The following RASA3 variants were observed in gnomAD, a reference collection of about 807,000 sequenced individuals.
The protein encoded by RASA3 is ras GTPase-activating protein 3.
A neutral mutation model predicts 110.0 loss-of-function variants in RASA3; 73 were observed. The ratio of observed to expected loss-of-function variants is 0.66; its 90% CI spans 0.55 to 0.81. RASA3 has a LOEUF of 0.81. Ranked by LOEUF, RASA3 falls within the 30% of genes least tolerant of loss-of-function variation. The probability of loss-of-function intolerance (pLI) is 0.00; values close to 1 mark genes in which losing one functional copy is unlikely to be tolerated. For missense variants in RASA3, 976 were observed against 1,113.2 expected (o/e 0.88, Z 1.75); for synonymous variants, 500 against 451.4 (o/e 1.11, Z -1.37).
chr13:114,055,102 G>A (rs913210575), intron 2 of RASA3, among the ~76,000 whole-genome samples: 32 of 152,000 alleles, frequency 2.1e-4, no homozygotes, highest in African/African-American at 6.5e-4. Flanking sequence ...GTGTGTGCCC[G>A]TATGTGTGTC....
At chr13:114,047,004 G>T (rs2079064219) in intron 3 of RASA3, among the ~76,000 whole-genome samples, 1 of 152,160 alleles carries the variant, frequency 6.6e-6, no homozygotes, top group African/African-American at 2.4e-5. Flanking sequence ...CACAACCGTG[G>T]AATAGGCAAG....
chr13:114,024,801 T>C (rs941019068), intron 7 of RASA3, among the ~76,000 whole-genome samples: 2 of 152,236 alleles, frequency 1.3e-5, no homozygotes, highest in Non-Finnish European at 2.9e-5. Flanking sequence ...GTGAGGTCTG[T>C]GGAGCCTGAA....
intron 13 of RASA3, among the ~76,000 whole-genome samples, chr13:114,015,748 A>G (rs1035045805): frequency 6.6e-6 from 1 of 152,194 alleles, no homozygotes; most frequent in Non-Finnish European, 1.5e-5. Context: ...AACGCAGTAC[A>G]CAGCTCTGGG....
rs373700840 is a variant in RASA3, at chr13:114,017,218, C to G, written c.1206+19G>C. 7 of 1,599,098 alleles carry G rather than the reference C, an allele frequency of 4.4e-6. 1 individual carries two copies. In the South Asian group the frequency reaches 6.6e-5, roughly 15 times the overall value. On this transcript the variant is annotated intron_variant, in intron 12 of 23. Transcript: ENST00000334062. ...TCCCCACGCCTCGTGAGGCTGAGGA[C>G]TCTCGGCCCCGTGCTCACCTCCTCG... is the stretch of plus-strand genomic sequence containing the variant.
intron 18 of RASA3, among the ~76,000 whole-genome samples, chr13:114,003,112 C>T (rs1477248677): frequency 2.0e-5 from 3 of 152,222 alleles, no homozygotes; most frequent in African/African-American, 7.2e-5. Flanking sequence ...GGCCCTAGGA[C>T]GGCCCATGCT....
intron 1 of RASA3, among the ~76,000 whole-genome samples, chr13:114,105,632 C>T (rs1051242155): frequency 1.3e-5 from 2 of 152,222 alleles, no homozygotes; most frequent in African/African-American, 2.4e-5. Flanking sequence ...CCCTCCGCCT[C>T]GCTTCACCCA....
At chr13:114,041,995 C>T (rs989025340) in intron 3 of RASA3, among the ~76,000 whole-genome samples, 6 of 152,234 alleles carry the variant, frequency 3.9e-5, no homozygotes, top group African/African-American at 1.2e-4. Flanking sequence ...GTTTCCCGTG[C>T]CTTAAACAGG....
chr13:114,121,080 G>A (rs2080369223), intron 1 of RASA3, among the ~76,000 whole-genome samples: 1 of 152,332 alleles, frequency 6.6e-6, no homozygotes, highest in East Asian at 1.9e-4. Context: ...AAAAGAACAA[G>A]TTGTGGGCCT....
At chr13:114,001,415 C>T (rs1443209053) in intron 18 of RASA3, among the ~76,000 whole-genome samples, 2 of 145,632 alleles carry the variant, frequency 1.4e-5, no homozygotes, top group African/African-American at 4.9e-5. Flanking sequence ...GACGCTCACA[C>T]ACAGAGGACC....
chr13:114,116,133 CG>C (rs1455485769), intron 1 of RASA3, among the ~76,000 whole-genome samples: 1 of 152,196 alleles, frequency 6.6e-6, no homozygotes, highest in Non-Finnish European at 1.5e-5. Flanking sequence ...CCTTGCAACG[CG>C]CAGCTAACGC....
At chr13:114,010,542 G>C (rs952473892) in intron 16 of RASA3, among the ~76,000 whole-genome samples, 1 of 150,958 alleles carries the variant, frequency 6.6e-6, no homozygotes, top group Non-Finnish European at 1.5e-5. Context: ...GAGGATGGAG[G>C]ACGGAGGTTC....
In RASA3 at chr13:113,981,797, G is replaced by A; in HGVS notation, c.2307C>T (p.Val769=). The A allele has an allele frequency of 6.2e-7, 1 of 1,614,010 alleles. No individual in the cohort carries two copies. The highest frequency in any genetic ancestry group is 1.7e-4 in the Middle Eastern group (1 of 6,060). The change falls in exon 23 of 24, where the codon GTC becomes GTT. Residue 769 remains valine, a synonymous_variant. Coordinates refer to ENST00000334062, the MANE Select transcript of RASA3 (RefSeq NM_007368.4). ...TGTAGGTCTCCTGGGGGTCGTCAATGACGAACGTCGAATACTCCTCCTGCT... is the reference window on the plus strand; with the variant it reads ...TGTAGGTCTCCTGGGGGTCGTCAATAACGAACGTCGAATACTCCTCCTGCT... The part of the protein sequence containing the change: ...GPEQEEYSTF[V]IDDPQETYKT...
rs752077801 is a variant in RASA3, at chr13:113,981,872, A to G, written c.2246-14T>C. ...TCCCACAGGCCTCTGTGGAGGGCGG[A>G]GGGGTCAGCGCAGGGCAGGAGCCCA... On this transcript the variant is annotated splice_polypyrimidine_tract_variant and intron_variant, in intron 22 of 23. Coordinates refer to ENST00000334062, the MANE Select transcript of RASA3 (RefSeq NM_007368.4). The G allele has an allele frequency of 2.5e-6, 4 of 1,611,558 alleles. No homozygotes were observed. In the South Asian group the frequency reaches 3.3e-5, roughly 13 times the overall value.
chr13:114,019,831 G>C (rs1328286663), intron 9 of RASA3, among the ~76,000 whole-genome samples: 30 of 46,268 alleles, frequency 6.5e-4, no homozygotes, highest in African/African-American at 2.6e-3. Context: ...TAGCAGCCCT[G>C]TCAGGTGGGT....
chr13:114,102,382 A>G (rs1292496028), intron 1 of RASA3, among the ~76,000 whole-genome samples: 1 of 151,892 alleles, frequency 6.6e-6, no homozygotes, highest in African/African-American at 2.4e-5. Flanking sequence ...GGAGGAAGAG[A>G]GACGGAGACA....
intron 8 of RASA3, among the ~76,000 whole-genome samples, chr13:114,021,800 G>A (rs554093625): frequency 6.6e-6 from 1 of 151,908 alleles, no homozygotes; most frequent in South Asian, 2.1e-4. Context: ...GCATCGCTGC[G>A]TGCACCCAGA....
chr13:114,005,389 C>G (rs896269361), intron 18 of RASA3, among the ~76,000 whole-genome samples: 1 of 152,134 alleles, frequency 6.6e-6, no homozygotes, highest in African/African-American at 2.4e-5. Flanking sequence ...CTCTGATGCT[C>G]CAGGGACCTC....
chr13:114,016,056 C>T (rs996759609), intron 13 of RASA3, 141 bp downstream of exon 13: 27 of 674,208 alleles, frequency 4.0e-5, no homozygotes, highest in African/African-American at 1.3e-4. Flanking sequence ...GTACTGCAGC[C>T]GGGTGAGGCG....
chr13:114,056,020 G>C lies in RASA3; in HGVS notation c.174-3865C>G, dbSNP rs557267463. On this transcript the variant is annotated intron_variant, in intron 2 of 23. Transcript: ENST00000334062. The surrounding 1 kb of genome is among the most constrained non-coding windows in gnomAD (Gnocchi z 5.7). ...CAAACTCCAGCAGCCGGCTTGTCAG[G>C]AAGCTGCAGCAGCTTCAGAGCAACC... Among the ~76,000 whole-genome samples the C allele has an allele frequency of 6.6e-6, 1 of 152,350 alleles. No homozygotes were observed. Among genetic ancestry groups the C allele is most frequent in the African/African-American group, 2.4e-5 (1 of 41,582 alleles).
Sources: gnomAD v4.1 joint callset for allele counts (sites outside exome capture counted in the v4.1 genomes callset) on GRCh38, gnomAD v4.1.1 for gene constraint, Gnocchi (gnomAD v3.1) non-coding constraint, MANE v1.5 for transcripts, NCBI Gene and HGNC (gene_info 2026-07-23, HGNC 2026-07-21) for gene names.